The following FAM81A variants were observed in gnomAD, a reference collection of about 807,000 sequenced individuals.
FAM81A encodes the protein family with sequence similarity 81 member A.
A neutral mutation model predicts 46.7 loss-of-function variants in FAM81A; 19 were observed. The ratio of observed to expected loss-of-function variants is 0.41; its 90% CI spans 0.28 to 0.60. The LOEUF (loss-of-function observed/expected upper bound fraction) is 0.60, where lower values mean the gene tolerates loss of function less well. Among genes scored for constraint, FAM81A ranks in the 20% least tolerant of loss-of-function variants. FAM81A has a pLI of 0.34. For missense variants in FAM81A, 377 were observed against 453.5 expected, an observed-to-expected ratio of 0.83 and a Z score of 1.53; for synonymous variants, 183 against 152.9, an observed-to-expected ratio of 1.20 and a Z score of -1.45.
chr15:59,481,035 C>T (rs2081843698), intron 3 of FAM81A, among the ~76,000 whole-genome samples: 1 of 152,144 alleles, frequency 6.6e-6, no homozygotes, highest in Middle Eastern at 3.2e-3. Flanking sequence ...TGCTCTGTTG[C>T]TCAGGCTGGA....
At chr15:59,505,563 A>G (rs760201198) in intron 4 of FAM81A, among the ~76,000 whole-genome samples, 3 of 151,526 alleles carry the variant, frequency 2.0e-5, no homozygotes, top group African/African-American at 4.9e-5. Flanking sequence ...TTAGCCACCT[A>G]TAGCATGGAA....
intron 4 of FAM81A, among the ~76,000 whole-genome samples, chr15:59,497,856 A>G (rs1269035127): frequency 6.6e-6 from 1 of 152,190 alleles, no homozygotes; most frequent in Non-Finnish European, 1.5e-5. Flanking sequence ...ATAAGCCTTT[A>G]TTTAAAAAAA....
At chr15:59,461,306 TTTTG>T (rs1173747796) in intron 3 of FAM81A, among the ~76,000 whole-genome samples, 13 of 152,150 alleles carry the variant, frequency 8.5e-5, no homozygotes, top group East Asian at 3.9e-4. Context: ...TTTTCTTTCT[TTTTG>T]TTTGTTTGTT....
chr15:59,486,352 CA>C (rs1487462765), intron 3 of FAM81A, among the ~76,000 whole-genome samples: 1 of 150,218 alleles, frequency 6.7e-6, no homozygotes, highest in Non-Finnish European at 1.5e-5. Flanking sequence ...ACAGAGGAGA[CA>C]AAAAAAGAAT....
At chr15:59,425,093 T>C (rs1847972324) in intron 2 of FAM81A, among the ~76,000 whole-genome samples, 1 of 152,146 alleles carries the variant, frequency 6.6e-6, no homozygotes, top group Non-Finnish European at 1.5e-5. Context: ...CTATGTTGAC[T>C]AGGCTGGTCT....
At chr15:59,423,031 T>C (rs866934539) in intron 2 of FAM81A, among the ~76,000 whole-genome samples, 1 of 152,182 alleles carries the variant, frequency 6.6e-6, no homozygotes, top group South Asian at 2.1e-4. Flanking sequence ...TGAGAGACTT[T>C]GTATATATTT....
chr15:59,452,983 G>GA (rs1228964829), intron 1 of FAM81A, among the ~76,000 whole-genome samples: 9 of 152,148 alleles, frequency 5.9e-5, no homozygotes, highest in Admixed American at 3.3e-4. Context: ...GGCTGGTCTT[G>GA]AACTCCTGGG....
At chr15:59,507,573 C>T (rs2082162871) in intron 5 of FAM81A, among the ~76,000 whole-genome samples, 2 of 152,144 alleles carry the variant, frequency 1.3e-5, no homozygotes, top group Non-Finnish European at 2.9e-5. Flanking sequence ...AATTCTACTC[C>T]CCACCACCAC....
chr15:59,411,722 C>A (rs1274158047), intron 2 of FAM81A, among the ~76,000 whole-genome samples: 2 of 152,120 alleles, frequency 1.3e-5, no homozygotes, highest in Non-Finnish European at 2.9e-5. Context: ...TTGAGACCAG[C>A]CTGGCCAACA....
intron 3 of FAM81A, among the ~76,000 whole-genome samples, chr15:59,482,343 AC>A (rs1316700835): frequency 3.0e-4 from 46 of 152,322 alleles, no homozygotes; most frequent in Middle Eastern, 6.8e-3. Flanking sequence ...ATCTTGGCTC[AC>A]TACGATCTCC....
chr15:59,448,882 C>T (rs2081380682), intron 1 of FAM81A, among the ~76,000 whole-genome samples: 1 of 152,040 alleles, frequency 6.6e-6, no homozygotes, highest in Admixed American at 6.5e-5. Context: ...ACAGGCTGGT[C>T]TTGAACTCCT....
chr15:59,516,574 T>C, intron 7 of FAM81A, 71 bp from the exon 8 acceptor site: 1 of 1,471,226 alleles, frequency 6.8e-7, no homozygotes, highest in Non-Finnish European at 9.3e-7. Flanking sequence ...TAAACGATAT[T>C]ATGGCTGATG....
intron 6 of FAM81A, 30 bp downstream of exon 6, chr15:59,508,999 ACTT>A: frequency 6.4e-7 from 1 of 1,555,356 alleles, no homozygotes; most frequent in South Asian, 1.2e-5. Context: ...AAAAAATAAA[ACTT>A]AAAGTTCTTT....
At chr15:59,431,625 C>T (rs904662435) in intron 2 of FAM81A, among the ~76,000 whole-genome samples, 2 of 151,978 alleles carry the variant, frequency 1.3e-5, no homozygotes, top group African/African-American at 2.4e-5. Context: ...TCAACCGCCC[C>T]AGTAGCTGGG....
intron 2 of FAM81A, among the ~76,000 whole-genome samples, chr15:59,428,084 A>G (rs1429810309): frequency 6.6e-6 from 1 of 152,190 alleles, no homozygotes; most frequent in African/African-American, 2.4e-5. Flanking sequence ...GCCTTTTAGG[A>G]TAAAAGCCGT....
chr15:59,444,440 CAAAG>C (rs764340125), intron 1 of FAM81A: 5 of 152,194 alleles, frequency 3.3e-5, no homozygotes, highest in Non-Finnish European at 4.4e-5. Flanking sequence ...TGTGTCAAGA[CAAAG>C]AAAGAGCATA....
intron 4 of FAM81A, among the ~76,000 whole-genome samples, chr15:59,495,960 A>G (rs1399338107): frequency 6.6e-6 from 1 of 152,160 alleles, no homozygotes; most frequent in Non-Finnish European, 1.5e-5. Flanking sequence ...TTACTGTCCC[A>G]TTCTAAGGGA....
chr15:59,472,785 G>A (rs756545413), intron 3 of FAM81A, among the ~76,000 whole-genome samples: 8 of 152,038 alleles, frequency 5.3e-5, no homozygotes, highest in Non-Finnish European at 1.0e-4. Flanking sequence ...ACCCCCTTAA[G>A]TTAGTCAGGT....
At position 59,522,764 on chromosome 15, in the gene FAM81A, T is replaced by C. The variant is rs1383599339; in HGVS notation, c.*1386T>C. On this transcript the variant is annotated 3_prime_UTR_variant, in exon 9 of 9. Coordinates refer to ENST00000288228, the MANE Select transcript of FAM81A (RefSeq NM_152450.3). ...GGACTCAGGAAAATAAAAAGCATTT[T>C]CTATTTTTAGGACAAATCACAAATG... 2 of 152,660 alleles carry C rather than the reference T, an allele frequency of 1.3e-5. No homozygotes were observed. The highest frequency in any genetic ancestry group is 4.8e-5 in the African/African-American group (2 of 41,452). The allele number at this position is 152,660 out of a possible 1,614,324, so 9.5% of individuals were successfully genotyped here. A position where few individuals can be genotyped will look rare whatever the true frequency, so the allele number is the denominator to read the frequency against.
Sources: gnomAD v4.1 joint callset for allele counts (sites outside exome capture counted in the v4.1 genomes callset) on GRCh38, gnomAD v4.1.1 for gene constraint, MANE v1.5 for transcripts, NCBI Gene and HGNC (gene_info 2026-07-23, HGNC 2026-07-21) for gene names.